Variants in UNC5B observed in about 807,000 individuals in gnomAD.
UNC5B encodes the protein netrin receptor UNC5B.
In UNC5B, 56 loss-of-function variants were observed where a neutral mutation model predicts 103.7. The ratio of observed to expected loss-of-function variants is 0.54; its 90% CI spans 0.44 to 0.67. The LOEUF (loss-of-function observed/expected upper bound fraction) is 0.67. Among genes scored for constraint, UNC5B ranks in the 30% least tolerant of loss-of-function variants. The pLI is 0.00. For synonymous variants in UNC5B, 577 were observed against 542.0 expected (o/e 1.06, Z -0.90); for missense variants, 1,194 against 1,284.5 (o/e 0.93, Z 1.08).
chr10:71,299,492 C>G lies in UNC5B; in HGVS notation c.*215C>G, dbSNP rs181227927. 9 of 557,092 alleles carry G rather than the reference C, an allele frequency of 1.6e-5. No homozygotes were observed. The highest frequency in any genetic ancestry group is 5.7e-5 in the African/African-American group (3 of 53,028). 34.5% of individuals were successfully genotyped at this position (557,092 alleles called of 1,614,324 possible). ...GGGCCCAGAGTTCCTTCTCCACCCC[C>G]GCTCTCTCTCTCTTGGCCTGAGATC... On this transcript the variant is annotated 3_prime_UTR_variant, in exon 17 of 17. Transcript: ENST00000335350.
chr10:71,290,761 C>T (rs1452245462), intron 8 of UNC5B, among the ~76,000 whole-genome samples, 154 bp from the exon 9 acceptor site: 2 of 152,194 alleles, frequency 1.3e-5, no homozygotes, highest in African/African-American at 4.8e-5. Flanking sequence ...AAGGCTAGCC[C>T]GAGGTTGCCA....
rs746983235 is a variant in UNC5B, at chr10:71,213,050, G to A, written c.65G>A (p.Arg22Lys). Reference protein sequence around the residue: ...LLALLLCWDPRLSQAGTDSGS... With the variant: ...LLALLLCWDPKLSQAGTDSGS... ...GCACTGCTGCTCTGCTGGGACCCGA[G>A]GCTGAGCCAAGCAGGTAGGAAGCGA... The change falls in exon 1 of 17, where the codon AGG becomes AAG. Residue 22 changes from arginine (R) to lysine (K), a missense_variant. Physicochemically the swap from Arg to Lys is conservative, Grantham distance 26. Transcript: ENST00000335350. This position sits in a 1 kb window ranked among gnomAD's most constrained non-coding sequence, Gnocchi z 4.1. 3 of 1,406,198 alleles carry A rather than the reference G, an allele frequency of 2.1e-6. 1 individual carries two copies. The South Asian group carries it at 5.1e-5, about 24-fold the overall frequency. The allele number at this position is 1,406,198 out of a possible 1,614,324, so 87.1% of individuals were successfully genotyped here.
chr10:71,227,613 T>TATATATACATATATACATATATATACAC (rs1843591580), intron 1 of UNC5B, among the ~76,000 whole-genome samples: 1 of 143,704 alleles, frequency 7.0e-6, no homozygotes, highest in Non-Finnish European at 1.5e-5. Context: ...CATATATACA[T>TATATATACATATATACATATATATACAC]ATATATACAT....
intron 10 of UNC5B, 51 bp downstream of exon 10, chr10:71,291,872 T>C (rs1404749463): frequency 2.6e-6 from 4 of 1,540,702 alleles, no homozygotes; most frequent in Middle Eastern, 2.1e-4. Context: ...ACCTCCTCTG[T>C]GGACTGCCCC....
At chr10:71,248,352 G>A (rs935673319) in intron 1 of UNC5B, among the ~76,000 whole-genome samples, 9 of 152,240 alleles carry the variant, frequency 5.9e-5, no homozygotes, top group African/African-American at 1.9e-4. Flanking sequence ...TACACACAGC[G>A]CCCTGGAGAA....
chr10:71,297,374 G>T (rs1027838847), intron 15 of UNC5B, among the ~76,000 whole-genome samples: 3 of 152,246 alleles, frequency 2.0e-5, no homozygotes, highest in Non-Finnish European at 2.9e-5. Flanking sequence ...GGCAAGACTG[G>T]ATTCGAACCC....
Position 71,292,552 on chromosome 10 carries a change from C to G in UNC5B, c.1770C>G (p.Thr590=), listed in dbSNP as rs986365217. Residue 590 remains threonine, a splice_region_variant and synonymous_variant, in exon 11 of 17, where the codon ACC becomes ACG. Transcript: ENST00000335350. ...MYLLINKAES[T]LPLSEGTQTV... is the part of the protein sequence containing the mutation. ...TACTCATCAACAAGGCAGAAAGTACCCTGTGAGTAGAGCCCCAGCCGCTGC... is the reference window on the plus strand; with the variant it reads ...TACTCATCAACAAGGCAGAAAGTACGCTGTGAGTAGAGCCCCAGCCGCTGC... The G allele has an allele frequency of 1.3e-6, 2 of 1,599,620 alleles. No homozygotes were observed. Among genetic ancestry groups the G allele is most frequent in the African/African-American group, 1.3e-5 (1 of 74,914 alleles).
At chr10:71,289,677 T>C (rs1845195342) in intron 8 of UNC5B, among the ~76,000 whole-genome samples, 1 of 152,210 alleles carries the variant, frequency 6.6e-6, no homozygotes, top group African/African-American at 2.4e-5. Context: ...CAAGTGTAAG[T>C]CACCAGGCAA....
intron 1 of UNC5B, among the ~76,000 whole-genome samples, chr10:71,224,817 A>G (rs948634765): frequency 7.2e-5 from 11 of 152,218 alleles, no homozygotes; most frequent in African/African-American, 2.4e-4. Context: ...CTGGATCCCA[A>G]ATCCACAGAG....
chr10:71,289,106 C>T (rs960209403), intron 8 of UNC5B, 116 bp downstream of exon 8: 16 of 1,374,508 alleles, frequency 1.2e-5, no homozygotes, highest in Non-Finnish European at 1.4e-5. Context: ...CTACCCACCC[C>T]CCACGGGATC....
At chr10:71,269,925 A>T (rs1055335746) in intron 1 of UNC5B, among the ~76,000 whole-genome samples, 2 of 152,152 alleles carry the variant, frequency 1.3e-5, no homozygotes, top group Non-Finnish European at 2.9e-5. Context: ...GAGTCAGCCA[A>T]GAGAATATGT....
chr10:71,291,946 C>A (rs1414562423), intron 10 of UNC5B, 125 bp downstream of exon 10: 2 of 1,369,780 alleles, frequency 1.5e-6, no homozygotes, highest in South Asian at 3.0e-5. Flanking sequence ...AAAGGGAGGC[C>A]TGAAGGCAGG....
intron 7 of UNC5B, 68 bp from the exon 8 acceptor site, chr10:71,288,890 C>T (rs1303795325): frequency 6.3e-7 from 1 of 1,588,170 alleles, no homozygotes; most frequent in East Asian, 2.2e-5. Context: ...TCATCCTTCC[C>T]ATTGCCTTCT....
chr10:71,281,715 T>C (rs1193426877), intron 2 of UNC5B, among the ~76,000 whole-genome samples: 1 of 152,178 alleles, frequency 6.6e-6, no homozygotes, highest in Non-Finnish European at 1.5e-5. Flanking sequence ...TGAGTGACCC[T>C]GGGGAAGTCA....
At position 71,299,191 on chromosome 10, in the gene UNC5B, G is replaced by A. The variant is rs765877776; in HGVS notation, c.2752G>A (p.Gly918Arg). ...CTGGGAAGCTCTGCAGCAGGACGAT[G>A]GGGACCTCAACAGCCTGGCGAGTGC... ...DLWEALQQDD[G>R]DLNSLASALE... The change falls in exon 17 of 17, where the codon GGG becomes AGG. Residue 918 changes from glycine to arginine, a missense_variant. Physicochemically the swap from Gly to Arg is moderately radical, Grantham distance 125. Transcript: ENST00000335350. 1.9e-6 allele frequency: 3 copies of A among 1,614,262 alleles called. No individual in the cohort carries two copies. In the South Asian group the frequency reaches 3.3e-5, roughly 18 times the overall value.
intron 1 of UNC5B, among the ~76,000 whole-genome samples, chr10:71,238,434 C>T (rs538688754): frequency 2.6e-5 from 4 of 152,210 alleles, no homozygotes; most frequent in African/African-American, 4.8e-5. Context: ...TTCTGATTAG[C>T]GATAGGCCCT....
chr10:71,235,947 C>T (rs1843767800), intron 1 of UNC5B, among the ~76,000 whole-genome samples: 1 of 152,256 alleles, frequency 6.6e-6, no homozygotes, highest in South Asian at 2.1e-4. Flanking sequence ...GGTCCTACTG[C>T]CCTGGGAGCT....
intron 1 of UNC5B, among the ~76,000 whole-genome samples, chr10:71,246,224 G>A (rs533047717): frequency 1.3e-5 from 2 of 152,334 alleles, no homozygotes; most frequent in Non-Finnish European, 2.9e-5. Context: ...CAAGACTGGC[G>A]TGGCTTGGGG....
At chr10:71,235,557 G>T (rs1843759003) in intron 1 of UNC5B, among the ~76,000 whole-genome samples, 1 of 152,220 alleles carries the variant, frequency 6.6e-6, no homozygotes, top group African/African-American at 2.4e-5. Context: ...TGTGGTAGAG[G>T]CTTCAGCCAG....
Sources: gnomAD v4.1 joint callset for allele counts (sites outside exome capture counted in the v4.1 genomes callset) on GRCh38, gnomAD v4.1.1 for gene constraint, Gnocchi (gnomAD v3.1) non-coding constraint, MANE v1.5 for transcripts, NCBI Gene and HGNC (gene_info 2026-07-23, HGNC 2026-07-21) for gene names.